The following CAPN7 variants were observed in gnomAD, a reference collection of about 807,000 sequenced individuals.
CAPN7 encodes the protein calpain-7.
In CAPN7, 72 loss-of-function variants were observed where a neutral mutation model predicts 115.2. The observed-to-expected ratio is 0.63, with a 90% CI of 0.52 to 0.76. CAPN7 has a LOEUF of 0.76. Ranked by LOEUF, CAPN7 falls within the 30% of genes least tolerant of loss-of-function variation. The pLI is 0.00. For missense variants in CAPN7, 905 were observed against 971.5 expected (o/e 0.93, Z 0.91); for synonymous variants, 344 against 322.3 (o/e 1.07, Z -0.72).
At chr3:15,209,401 C>T (rs541527020) in intron 1 of CAPN7, among the ~76,000 whole-genome samples, 3 of 152,262 alleles carry the variant, frequency 2.0e-5, no homozygotes, top group Non-Finnish European at 4.4e-5. Context: ...AAAGATAAAT[C>T]AGCATACTTG....
At chr3:15,236,367 C>G (rs1694992455) in intron 12 of CAPN7, among the ~76,000 whole-genome samples, 1 of 152,070 alleles carries the variant, frequency 6.6e-6, no homozygotes, top group Non-Finnish European at 1.5e-5. Flanking sequence ...TTATTTTTAA[C>G]TGAAAAATGG....
rs933908161 is a variant in CAPN7, at chr3:15,206,343, G to A, written c.-153G>A. The A allele has an allele frequency of 3.5e-6, 2 of 571,196 alleles. No homozygotes were observed. Among genetic ancestry groups the A allele is most frequent in the African/African-American group, 2.0e-5 (1 of 49,824 alleles). 35.4% of individuals were successfully genotyped at this position (571,196 alleles called of 1,614,324 possible). A position where few individuals can be genotyped will look rare whatever the true frequency, so the allele number is the denominator to read the frequency against. On this transcript the variant is annotated 5_prime_UTR_variant, in exon 1 of 21. Transcript: ENST00000253693. ...TCGCGGTGGACCCCAGCCCGGCAAC[G>A]GGAAGGCGAGCTCTCCTCCACCGTC... is the stretch of plus-strand genomic sequence containing the variant.
chr3:15,217,396 C>T (rs200608716), intron 2 of CAPN7, 29 bp from the exon 3 acceptor site: 147 of 1,537,490 alleles, frequency 9.6e-5, no homozygotes, highest in Non-Finnish European at 1.3e-4. Flanking sequence ...AGATAATACT[C>T]CTTCTGCGTA....
intron 5 of CAPN7, among the ~76,000 whole-genome samples, chr3:15,222,022 T>C (rs1448036195): frequency 6.6e-6 from 1 of 150,686 alleles, no homozygotes; most frequent in Non-Finnish European, 1.5e-5. Context: ...AGTATACGTA[T>C]ACGTATATAT....
chr3:15,234,793 CCTT>C (rs1459132055), intron 11 of CAPN7, among the ~76,000 whole-genome samples: 13 of 151,910 alleles, frequency 8.6e-5, no homozygotes, highest in Admixed American at 2.6e-4. Flanking sequence ...CGTTTGTTTT[CCTT>C]CTTTGGTAGG....
Position 15,251,313 on chromosome 3 carries a change from A to G in CAPN7, c.*53A>G, listed in dbSNP as rs2125024177. The G allele has an allele frequency of 7.1e-7, 1 of 1,416,290 alleles. No homozygotes were observed. Among genetic ancestry groups the G allele is most frequent in the Non-Finnish European group, 9.6e-7 (1 of 1,039,410 alleles). The allele number at this position is 1,416,290 out of a possible 1,614,324, so 87.7% of individuals were successfully genotyped here. A position where few individuals can be genotyped will look rare whatever the true frequency, so the allele number is the denominator to read the frequency against. ...ATACTTACCAAACATCAGTTCTTCA[A>G]ATAAGGACGCAAATCTTCAGGACAG... On this transcript the variant is annotated 3_prime_UTR_variant, in exon 21 of 21. Coordinates refer to ENST00000253693, the MANE Select transcript of CAPN7 (RefSeq NM_014296.3).
chr3:15,251,082 C>G, intron 20 of CAPN7, 34 bp from the exon 21 acceptor site: 1 of 1,600,606 alleles, frequency 6.2e-7, no homozygotes, highest in Non-Finnish European at 8.5e-7. Flanking sequence ...GCATCATCTT[C>G]TATAAACCTT....
chr3:15,235,129 A>C lies in CAPN7; in HGVS notation c.1391A>C (p.Asp464Ala). The C allele has an allele frequency of 6.2e-7, 1 of 1,607,924 alleles. No homozygotes were observed. Residue 464 changes from aspartate to alanine, a missense_variant, in exon 12 of 21, where the codon GAT becomes GCT. Coordinates refer to ENST00000253693, the MANE Select transcript of CAPN7 (RefSeq NM_014296.3). ...LVPTHAYAVLDIREFKGLRFI... is the reference protein window; with the variant it reads ...LVPTHAYAVLAIREFKGLRFI... ...CCCACACACGCATATGCTGTTTTGG[A>C]TATTAGAGAGTTCAAGGTTTTGCCT...
intron 6 of CAPN7, 147 bp downstream of exon 6, chr3:15,223,708 T>C (rs891299313): frequency 3.3e-6 from 2 of 597,922 alleles, no homozygotes; most frequent in Non-Finnish European, 5.9e-6. Flanking sequence ...TAGGGCAACA[T>C]AGCAAGAGCA....
At chr3:15,242,377 T>C (rs1695401531) in intron 16 of CAPN7, 124 bp downstream of exon 16, 2 of 609,720 alleles carry the variant, frequency 3.3e-6, no homozygotes, top group Non-Finnish European at 5.5e-6. Context: ...GATAGACTAA[T>C]AGAAACCACT....
At chr3:15,221,033 A>C (rs762785304) in intron 5 of CAPN7, 52 bp downstream of exon 5, 5 of 1,418,664 alleles carry the variant, frequency 3.5e-6, no homozygotes, top group Non-Finnish European at 4.9e-6. Flanking sequence ...ACATGAATGC[A>C]GAATTTTATT....
At position 15,233,924 on chromosome 3, in the gene CAPN7, G is replaced by C; in HGVS notation, c.1237G>C (p.Asp413His). The C allele has an allele frequency of 1.2e-6, 2 of 1,606,970 alleles. No homozygotes were observed. The highest frequency in any genetic ancestry group is 1.7e-6 in the Non-Finnish European group (2 of 1,174,522). The change falls in exon 11 of 21, where the codon GAT becomes CAT. Residue 413 changes from aspartate (D) to histidine (H), a missense_variant. By Grantham distance (81) the Asp-to-His change is moderately conservative (BLOSUM62 -1). Coordinates refer to ENST00000253693, the MANE Select transcript of CAPN7 (RefSeq NM_014296.3). ...WIPERIAMHS[D>H]SQTFSKDNSF... Reference sequence around the variant, plus strand: ...ACCAGAAAGAATTGCTATGCATTCAGATAGCCAAACTTTCAGTAAGGATAA... The same window carrying C: ...ACCAGAAAGAATTGCTATGCATTCACATAGCCAAACTTTCAGTAAGGATAA...
chr3:15,206,347 A>T lies in CAPN7; in HGVS notation c.-149A>T. ...GGTGGACCCCAGCCCGGCAACGGGAAGGCGAGCTCTCCTCCACCGTCCAAA... is the reference window on the plus strand; with the variant it reads ...GGTGGACCCCAGCCCGGCAACGGGATGGCGAGCTCTCCTCCACCGTCCAAA... On this transcript the variant is annotated 5_prime_UTR_variant, in exon 1 of 21. The change creates a new upstream start codon in the 5' untranslated region. Transcript: ENST00000253693. 1.7e-6 allele frequency: 1 copy of T among 572,230 alleles called. No homozygotes were observed. The highest frequency in any genetic ancestry group is 3.4e-5 in the East Asian group (1 of 29,156). The allele number at this position is 572,230 out of a possible 1,614,324, so 35.4% of individuals were successfully genotyped here.
intron 11 of CAPN7, 31 bp downstream of exon 11, chr3:15,234,004 G>C: frequency 8.2e-7 from 1 of 1,214,322 alleles, no homozygotes; most frequent in South Asian, 1.2e-5. Context: ...TATGTGTGTG[G>C]TAAATGTGGC....
At chr3:15,217,382 A>AT in intron 2 of CAPN7, 43 bp from the exon 3 acceptor site, 1 of 1,461,038 alleles carries the variant, frequency 6.8e-7, no homozygotes. Context: ...TTCTGGCTGT[A>AT]TTTAGATAAT....
intron 6 of CAPN7, among the ~76,000 whole-genome samples, chr3:15,227,582 A>G (rs2124942627): frequency 6.6e-6 from 1 of 152,274 alleles, no homozygotes; most frequent in South Asian, 2.1e-4. Flanking sequence ...CTAAATTTAA[A>G]AAATTATATT....
chr3:15,223,626 T>C, intron 6 of CAPN7, 65 bp downstream of exon 6: 1 of 914,928 alleles, frequency 1.1e-6, no homozygotes. Context: ...TGAAGTTCAA[T>C]TTAATAGCCT....
chr3:15,251,113 T>C lies in CAPN7; in HGVS notation c.2298-3T>C, dbSNP rs759160272. The C allele has an allele frequency of 9.4e-6, 15 of 1,603,428 alleles. No individual in the cohort carries two copies. Among genetic ancestry groups the C allele is most frequent in the South Asian group, 4.5e-5 (4 of 89,558 alleles). On this transcript the variant is annotated splice_polypyrimidine_tract_variant and splice_region_variant and intron_variant, in intron 20 of 20. Transcript: ENST00000253693. ...ACCTTATTCTCATTTTCTCTAAATA[T>C]AGGTGTGGGTTTTGCTACCTGGAAT... is the stretch of plus-strand genomic sequence containing the variant.
At chr3:15,236,232 T>G (rs1694986185) in intron 12 of CAPN7, among the ~76,000 whole-genome samples, 1 of 152,154 alleles carries the variant, frequency 6.6e-6, no homozygotes, top group Admixed American at 6.5e-5. Context: ...TACATGCCAG[T>G]GTGTTTTGTG....
Sources: gnomAD v4.1 joint callset for allele counts (sites outside exome capture counted in the v4.1 genomes callset) on GRCh38, gnomAD v4.1.1 for gene constraint, MANE v1.5 for transcripts, NCBI Gene and HGNC (gene_info 2026-07-23, HGNC 2026-07-21) for gene names.